Variants in ZDHHC21 observed in about 807,000 individuals in gnomAD.
ZDHHC21 encodes the protein palmitoyltransferase ZDHHC21.
A neutral mutation model predicts 34.6 loss-of-function variants in ZDHHC21; 15 were observed. That is an observed-to-expected ratio of 0.43 (90% CI 0.29 to 0.67). ZDHHC21 has a LOEUF of 0.67. Ranked by LOEUF, ZDHHC21 falls within the 30% of genes least tolerant of loss-of-function variation. The probability of loss-of-function intolerance (pLI) is 0.14; values close to 1 mark genes in which losing one functional copy is unlikely to be tolerated. For missense variants in ZDHHC21, 344 were observed against 327.7 expected (o/e 1.05, Z -0.38); for synonymous variants, 142 against 101.8 (o/e 1.40, Z -2.38).
chr9:14,649,116 C>T (rs991465930), intron 7 of ZDHHC21, among the ~76,000 whole-genome samples: 22 of 152,066 alleles, frequency 1.4e-4, no homozygotes, highest in Admixed American at 5.9e-4. Flanking sequence ...CTGCGACAAC[C>T]AAAAACATCT....
rs958345125 is a variant in ZDHHC21 at position 14,671,896 on chromosome 9, A to C, written c.253+934T>G. Among the ~76,000 whole-genome samples, 43 of 152,130 alleles carry C rather than the reference A, an allele frequency of 2.8e-4. 1 individual carries two copies. The highest frequency in any genetic ancestry group is 2.4e-3 in the Admixed American group (37 of 15,258). ...AAAGTGATAAAAATATTTCTAACTG[A>C]AGGTGTTCATTTTGTTTTATTTCAA... is the stretch of plus-strand genomic sequence containing the variant. On this transcript the variant is annotated intron_variant, in intron 5 of 9. Transcript: ENST00000380916.
intron 2 of ZDHHC21, among the ~76,000 whole-genome samples, chr9:14,688,494 G>A (rs1458267390): frequency 6.6e-6 from 1 of 150,652 alleles, no homozygotes; most frequent in Non-Finnish European, 1.5e-5. Context: ...GGTGAGTAGG[G>A]GTAGGATTGC....
At chr9:14,619,791 A>C in intron 8 of ZDHHC21, 109 bp from the exon 9 acceptor site, 1 of 643,538 alleles carries the variant, frequency 1.6e-6, no homozygotes, top group South Asian at 2.8e-5. Flanking sequence ...CTATAGATTT[A>C]AACAGTTTAT....
intron 8 of ZDHHC21, among the ~76,000 whole-genome samples, chr9:14,636,586 A>T (rs1016967083): frequency 3.3e-5 from 5 of 152,168 alleles, no homozygotes; most frequent in African/African-American, 7.2e-5. Context: ...CATTTCAACC[A>T]ACAGCTACAG....
intron 6 of ZDHHC21, among the ~76,000 whole-genome samples, chr9:14,659,620 C>T (rs956962715): frequency 1.3e-5 from 2 of 152,168 alleles, no homozygotes; most frequent in African/African-American, 4.8e-5. Flanking sequence ...CTACAAATGA[C>T]TTTGCACAAA....
the ZDHHC21 span, among the ~76,000 whole-genome samples, chr9:14,599,460 G>T: frequency 6.6e-6 from 1 of 152,232 alleles, no homozygotes; most frequent in South Asian, 2.1e-4. Context: ...TGCAGACCAG[G>T]AGATACCCTC....
downstream of ZDHHC21, among the ~76,000 whole-genome samples, chr9:14,608,686 T>C (rs970675693): frequency 6.6e-6 from 1 of 151,944 alleles, no homozygotes; most frequent in Non-Finnish European, 1.5e-5. Flanking sequence ...CTAACACATA[T>C]CCTCTATCCT....
intron 3 of ZDHHC21, among the ~76,000 whole-genome samples, chr9:14,676,130 G>C (rs751455524): frequency 6.6e-6 from 1 of 152,002 alleles, no homozygotes; most frequent in Non-Finnish European, 1.5e-5. Flanking sequence ...TGAAGCTCTG[G>C]TGTGAATGAT....
downstream of ZDHHC21, chr9:14,611,004 T>C (rs1372066092): frequency 6.6e-6 from 1 of 152,030 alleles, no homozygotes; most frequent in Admixed American, 6.6e-5. Flanking sequence ...ATTACATTGG[T>C]AGTGCTGAAA....
chr9:14,656,232 A>C (rs925862414), intron 7 of ZDHHC21, among the ~76,000 whole-genome samples: 1 of 151,976 alleles, frequency 6.6e-6, no homozygotes, highest in African/African-American at 2.4e-5. Flanking sequence ...AGAGCTACAT[A>C]GATTATAAAA....
chr9:14,685,637 A>T (rs201105420), intron 2 of ZDHHC21, among the ~76,000 whole-genome samples: 2 of 152,234 alleles, frequency 1.3e-5, no homozygotes, highest in African/African-American at 2.4e-5. Context: ...ATTGTGGAAG[A>T]CAGTGTGGCG....
chr9:14,622,991 G>A (rs761457676), intron 8 of ZDHHC21, among the ~76,000 whole-genome samples: 1 of 152,058 alleles, frequency 6.6e-6, no homozygotes, highest in African/African-American at 2.4e-5. Context: ...TTAATCTAGA[G>A]TTTAAAACAC....
At chr9:14,641,056 T>A (rs1274140423) in intron 7 of ZDHHC21, among the ~76,000 whole-genome samples, 1 of 152,086 alleles carries the variant, frequency 6.6e-6, no homozygotes, top group Non-Finnish European at 1.5e-5. Flanking sequence ...ACCACCCACA[T>A]GCTTTCTTTT....
At chr9:14,624,038 G>T (rs1258551097) in intron 8 of ZDHHC21, among the ~76,000 whole-genome samples, 1 of 152,076 alleles carries the variant, frequency 6.6e-6, no homozygotes, top group Non-Finnish European at 1.5e-5. Context: ...CTCCATATTT[G>T]TGGGTTCTGT....
chr9:14,679,068 T>G (rs905122369), intron 3 of ZDHHC21, among the ~76,000 whole-genome samples: 13 of 152,154 alleles, frequency 8.5e-5, no homozygotes, highest in African/African-American at 2.9e-4. Context: ...TAATGGAGTC[T>G]GAGTTACAAA....
chr9:14,594,386 T>C, the ZDHHC21 span, among the ~76,000 whole-genome samples: 1 of 152,214 alleles, frequency 6.6e-6, no homozygotes, highest in Non-Finnish European at 1.5e-5. Context: ...ATAATTCACA[T>C]GCTAGAAATA....
At chr9:14,675,026 C>A (rs1009484235) in intron 3 of ZDHHC21, among the ~76,000 whole-genome samples, 4 of 151,710 alleles carry the variant, frequency 2.6e-5, no homozygotes, top group Non-Finnish European at 5.9e-5. Context: ...TGAAAAATGA[C>A]AATAAAAAGT....
chr9:14,632,378 G>A (rs1027971326), intron 8 of ZDHHC21, among the ~76,000 whole-genome samples: 1 of 151,734 alleles, frequency 6.6e-6, no homozygotes, highest in Non-Finnish European at 1.5e-5. Flanking sequence ...AATGGTGCTG[G>A]GACAACTAGG....
chr9:14,593,552 AG>A, the ZDHHC21 span: 1 of 152,286 alleles, frequency 6.6e-6, no homozygotes, highest in African/African-American at 2.4e-5. Context: ...TGGGCTGGGC[AG>A]GCAACCATCA....
Sources: allele counts gnomAD v4.1 joint callset (sites outside exome capture counted in the v4.1 genomes callset), GRCh38; gene constraint gnomAD v4.1.1; transcripts MANE v1.5; gene names NCBI Gene and HGNC (gene_info 2026-07-23, HGNC 2026-07-21).